Variants in LANCL2 observed in about 807,000 individuals in gnomAD.
LANCL2 encodes the protein LanC like glutathione S-transferase 2.
A neutral mutation model predicts 56.9 loss-of-function variants in LANCL2; 33 were observed. The ratio of observed to expected loss-of-function variants is 0.58; its 90% CI spans 0.44 to 0.78. The LOEUF (loss-of-function observed/expected upper bound fraction) is 0.78, where lower values mean the gene tolerates loss of function less well. Among genes scored for constraint, LANCL2 ranks in the 30% least tolerant of loss-of-function variants. The probability of loss-of-function intolerance (pLI) is 0.00; values close to 1 mark genes in which losing one functional copy is unlikely to be tolerated. For missense variants in LANCL2, 562 were observed against 580.2 expected (o/e 0.97, Z 0.32); for synonymous variants, 233 against 228.2 (o/e 1.02, Z -0.19).
At chr7:55,386,687 A>T (rs986857154) in intron 1 of LANCL2, among the ~76,000 whole-genome samples, 2 of 152,178 alleles carry the variant, frequency 1.3e-5, no homozygotes, top group Admixed American at 1.3e-4. Flanking sequence ...TTCCCCAATT[A>T]GGACTCCACA....
chr7:55,369,549 T>G (rs1375072823), intron 1 of LANCL2, among the ~76,000 whole-genome samples: 1 of 152,182 alleles, frequency 6.6e-6, no homozygotes, highest in East Asian at 1.9e-4. Flanking sequence ...TAGCAGTTGT[T>G]TTTAATTATG....
At chr7:55,372,609 C>T (rs960236049) in intron 1 of LANCL2, among the ~76,000 whole-genome samples, 1 of 151,998 alleles carries the variant, frequency 6.6e-6, no homozygotes, top group African/African-American at 2.4e-5. Flanking sequence ...CAGTTAGTAC[C>T]TAGGTACACA....
chr7:55,376,268 G>A (rs1034047939), intron 1 of LANCL2, among the ~76,000 whole-genome samples: 4 of 152,176 alleles, frequency 2.6e-5, no homozygotes, highest in Non-Finnish European at 5.9e-5. Context: ...GGGGGTAATA[G>A]TTGTAGCTTT....
intron 5 of LANCL2, among the ~76,000 whole-genome samples, chr7:55,408,997 AAAG>A (rs1256648609): frequency 5.9e-5 from 9 of 151,904 alleles, no homozygotes; most frequent in Non-Finnish European, 1.0e-4. Flanking sequence ...AAAAAAAAGA[AAAG>A]AAAAAAACAG....
At chr7:55,429,286 A>G (rs1790702043) in intron 8 of LANCL2, among the ~76,000 whole-genome samples, 1 of 152,242 alleles carries the variant, frequency 6.6e-6, no homozygotes, top group African/African-American at 2.4e-5. Context: ...AGAATTCTCC[A>G]GTACAAACTT....
intron 8 of LANCL2, among the ~76,000 whole-genome samples, chr7:55,429,675 G>C (rs777601335): frequency 6.6e-6 from 1 of 152,230 alleles, no homozygotes; most frequent in South Asian, 2.1e-4. Context: ...AGTCCTCTAT[G>C]TCATAAAAAT....
intron 1 of LANCL2, chr7:55,379,814 A>G (rs769469118): frequency 2.6e-5 from 4 of 152,478 alleles, no homozygotes; most frequent in Non-Finnish European, 4.4e-5. Flanking sequence ...AGGGAATGGC[A>G]AATCCAGAAA....
At chr7:55,424,075 C>T (rs548042459) in intron 6 of LANCL2, among the ~76,000 whole-genome samples, 1 of 152,268 alleles carries the variant, frequency 6.6e-6, no homozygotes, top group African/African-American at 2.4e-5. Context: ...ACCTGACCTG[C>T]CACCCAAGTA....
rs762064086 is a variant in LANCL2, at chr7:55,391,954, A to G, written c.322+44A>G. 22 of 1,100,630 alleles carry G rather than the reference A, an allele frequency of 2.0e-5. No individual in the cohort carries two copies. The East Asian group carries it at 4.5e-4, about 23-fold the overall frequency. 68.2% of individuals were successfully genotyped at this position (1,100,630 alleles called of 1,614,324 possible). ...AATCACTGATACATTTTATTCTTAG[A>G]TTATGAGATGTAAGACTTGACTGAA... is the stretch of plus-strand genomic sequence containing the variant. On this transcript the variant is annotated intron_variant, in intron 2 of 8. Transcript: ENST00000254770.
At chr7:55,366,383 G>T (rs972383823) in intron 1 of LANCL2, among the ~76,000 whole-genome samples, 154 bp downstream of exon 1, 1 of 152,260 alleles carries the variant, frequency 6.6e-6, no homozygotes, top group Non-Finnish European at 1.5e-5. Flanking sequence ...TTCCCGATGA[G>T]CCGCGCTTAG....
intron 1 of LANCL2, among the ~76,000 whole-genome samples, chr7:55,372,718 TAATG>T (rs1160215710): frequency 6.6e-6 from 1 of 152,352 alleles, no homozygotes; most frequent in East Asian, 1.9e-4. Context: ...TAAAATGTGA[TAATG>T]AAAAATTTGT....
At chr7:55,428,996 CAG>C (rs1265596581) in intron 8 of LANCL2, among the ~76,000 whole-genome samples, 2 of 152,206 alleles carry the variant, frequency 1.3e-5, no homozygotes, top group African/African-American at 4.8e-5. Context: ...GGAGCACAAA[CAG>C]AAGCCCCACA....
intron 1 of LANCL2, among the ~76,000 whole-genome samples, chr7:55,373,187 A>G (rs56921474): frequency 0.03 from 4,428 of 149,094 alleles, 212 homozygotes; most frequent in African/African-American, 0.1. Context: ...ATTCATTTCT[A>G]TTTCTTTTTC....
At chr7:55,420,465 G>C (rs1295187193) in intron 6 of LANCL2, among the ~76,000 whole-genome samples, 5 of 152,158 alleles carry the variant, frequency 3.3e-5, no homozygotes, top group African/African-American at 7.2e-5. Context: ...GTATTTTATG[G>C]CCCAGTATTT....
chr7:55,389,003 A>G (rs1317793420), intron 1 of LANCL2, among the ~76,000 whole-genome samples: 1 of 152,246 alleles, frequency 6.6e-6, no homozygotes, highest in Admixed American at 6.5e-5. Flanking sequence ...AGAACAGCCA[A>G]CAGTTGAGCC....
chr7:55,372,318 AGTCTTGT>A (rs1789952547), intron 1 of LANCL2, among the ~76,000 whole-genome samples: 1 of 152,220 alleles, frequency 6.6e-6, no homozygotes. Flanking sequence ...CAGTTTTAAT[AGTCTTGT>A]GTTTGACTCC....
Position 55,365,856 on chromosome 7 carries a change from C to T in LANCL2, c.-170C>T, listed in dbSNP as rs748420704. The T allele has an allele frequency of 6.2e-6, 3 of 481,292 alleles. No individual in the cohort carries two copies. The highest frequency in any genetic ancestry group is 7.1e-5 in the East Asian group (2 of 28,274). The allele number at this position is 481,292 out of a possible 1,614,324, so 29.8% of individuals were successfully genotyped here. A position where few individuals can be genotyped will look rare whatever the true frequency, so the allele number is the denominator to read the frequency against. On this transcript the variant is annotated 5_prime_UTR_variant, in exon 1 of 9. Transcript: ENST00000254770. ...TGCGGCCGCCTGATGTGCGAGCAGC[C>T]CGCGACGAGGCAGTGCACGCTCAGA... is the stretch of plus-strand genomic sequence containing the variant.
intron 6 of LANCL2, among the ~76,000 whole-genome samples, chr7:55,418,921 T>C (rs1245428500): frequency 1.3e-5 from 2 of 152,156 alleles, no homozygotes; most frequent in Non-Finnish European, 2.9e-5. Context: ...GATTTTACAT[T>C]GATTGGTTTT....
intron 1 of LANCL2, among the ~76,000 whole-genome samples, chr7:55,375,605 A>G (rs1249050467): frequency 6.6e-6 from 1 of 152,212 alleles, no homozygotes; most frequent in Non-Finnish European, 1.5e-5. Flanking sequence ...TGCCATAAAT[A>G]CCACCAATTT....
Sources: gnomAD v4.1 joint callset for allele counts (sites outside exome capture counted in the v4.1 genomes callset) on GRCh38, gnomAD v4.1.1 for gene constraint, MANE v1.5 for transcripts, NCBI Gene and HGNC (gene_info 2026-07-23, HGNC 2026-07-21) for gene names.